The following RSPRY1 variants were observed in gnomAD, a reference collection of about 807,000 sequenced individuals.
RSPRY1 encodes ring finger and SPRY domain containing 1, also known as RING finger and SPRY domain-containing protein 1.
RSPRY1 carries 23 observed loss-of-function variants against 73.1 expected under a neutral mutation model. The ratio of observed to expected loss-of-function variants is 0.31; its 90% confidence interval spans 0.23 to 0.45. The LOEUF (loss-of-function observed/expected upper bound fraction) is 0.45, where lower values mean the gene tolerates loss of function less well. Ranked by LOEUF, RSPRY1 falls within the 20% of genes least tolerant of loss-of-function variation. The pLI is 1.00. For synonymous variants in RSPRY1, 226 were observed against 251.4 expected (o/e 0.90, Z 0.95); for missense variants, 448 against 698.7 (o/e 0.64, Z 4.05).
chr16:57,209,256 A>G (rs1567498009), intron 4 of RSPRY1, 69 bp downstream of exon 4: 2 of 984,970 alleles, frequency 2.0e-6, no homozygotes, highest in South Asian at 2.8e-5. Flanking sequence ...ACCACAAAGA[A>G]CATTTGATGT....
chr16:57,201,902 G>A (rs1183374002), intron 1 of RSPRY1, among the ~76,000 whole-genome samples: 7 of 152,216 alleles, frequency 4.6e-5, no homozygotes, highest in South Asian at 2.1e-4. Context: ...GAGCCGAGAT[G>A]GCAGCAGTAC....
Position 57,201,559 on chromosome 16 carries a change from G to A in RSPRY1, c.-155-2945G>A, listed in dbSNP as rs541807785. Among the ~76,000 whole-genome samples the A allele has an allele frequency of 7.9e-5, 12 of 152,272 alleles. No homozygotes were observed. The South Asian group carries it at 1.5e-3, about 18-fold the overall frequency. ...CTCCTCACTTCCCAGACGGGGTGGC[G>A]GCCGGGCAGAGGCTGCAATCTCGGC... is the stretch of plus-strand genomic sequence containing the variant. On this transcript the variant is annotated intron_variant, in intron 1 of 14. Transcript: ENST00000394420.
intron 1 of RSPRY1, among the ~76,000 whole-genome samples, chr16:57,196,030 A>AT (rs1255465484): frequency 6.9e-4 from 52 of 75,830 alleles, no homozygotes; most frequent in Non-Finnish European, 1.1e-3. Context: ...CAAAAAAAAA[A>AT]AAAAATATAT....
Position 57,203,447 on chromosome 16 carries a change from A to G in RSPRY1, c.-155-1057A>G, listed in dbSNP as rs1332163006. On this transcript the variant is annotated intron_variant, in intron 1 of 14. Coordinates refer to ENST00000394420, the MANE Select transcript of RSPRY1 (RefSeq NM_133368.3). The stretch of plus-strand genomic sequence containing the variant: ...GCCAGATGTTGTGTAGAGACTACAC[A>G]CTAGCATAGTCTATTCCTTATGTGG... Among the ~76,000 whole-genome samples the G allele has an allele frequency of 2.6e-5, 4 of 152,218 alleles. No individual in the cohort carries two copies. The East Asian group carries it at 7.7e-4, about 29-fold the overall frequency.
chr16:57,206,491 C>T (rs1284224056), intron 2 of RSPRY1, among the ~76,000 whole-genome samples: 1 of 152,176 alleles, frequency 6.6e-6, no homozygotes. Flanking sequence ...GGAAGTAAAC[C>T]ACAAACAATG....
intron 1 of RSPRY1, among the ~76,000 whole-genome samples, chr16:57,197,187 C>T (rs950459238): frequency 6.6e-6 from 1 of 152,100 alleles, no homozygotes; most frequent in Non-Finnish European, 1.5e-5. Flanking sequence ...AGCTTTCACC[C>T]AGTCTTTTGC....
intron 11 of RSPRY1, 43 bp downstream of exon 11, chr16:57,227,496 C>A: frequency 7.3e-7 from 1 of 1,376,820 alleles, no homozygotes; most frequent in Non-Finnish European, 1.0e-6. Flanking sequence ...TGGGTTAAGA[C>A]ATCTGGTTAT....
intron 10 of RSPRY1, among the ~76,000 whole-genome samples, chr16:57,225,619 A>G (rs2075109115): frequency 6.6e-6 from 1 of 152,172 alleles, no homozygotes. Context: ...GCCATTTTCA[A>G]TTTCTTTCTC....
chr16:57,194,482 G>A (rs961615873), intron 1 of RSPRY1, among the ~76,000 whole-genome samples: 4 of 152,026 alleles, frequency 2.6e-5, no homozygotes, highest in Non-Finnish European at 5.9e-5. Context: ...GGAAAAATCC[G>A]AAAACATTTT....
In RSPRY1 at chr16:57,239,785, G is replaced by A. The variant is rs2075352440; in HGVS notation, c.*810G>A. 1 of 151,676 alleles carries A rather than the reference G, an allele frequency of 6.6e-6. No homozygotes were observed. The highest frequency in any genetic ancestry group is 1.5e-5 in the Non-Finnish European group (1 of 67,958). 9.4% of individuals were successfully genotyped at this position (151,676 alleles called of 1,614,324 possible). A position where few individuals can be genotyped will look rare whatever the true frequency, so the allele number is the denominator to read the frequency against. ...ATTTGGTATTTAGGGTATTTTCAAGGTACCATCAAATCAGATTTCTGTTTT... is the reference window on the plus strand; with the variant it reads ...ATTTGGTATTTAGGGTATTTTCAAGATACCATCAAATCAGATTTCTGTTTT... On this transcript the variant is annotated 3_prime_UTR_variant, in exon 15 of 15. Coordinates refer to ENST00000394420, the MANE Select transcript of RSPRY1 (RefSeq NM_133368.3).
intron 8 of RSPRY1, among the ~76,000 whole-genome samples, chr16:57,218,731 T>TAGGTTGATTCCAAATC (rs1288947442): frequency 1.1e-4 from 11 of 102,440 alleles, no homozygotes; most frequent in African/African-American, 2.9e-4. Flanking sequence ...TTTTTTTTTT[T>TAGGTTGATTCCAAATC]TTTTTTTTTT....
chr16:57,194,127 T>A (rs1480787470), intron 1 of RSPRY1, among the ~76,000 whole-genome samples: 2 of 152,226 alleles, frequency 1.3e-5, no homozygotes, highest in East Asian at 3.8e-4. Context: ...ACTTGAAGTT[T>A]ATTGAAGTCT....
intron 4 of RSPRY1, among the ~76,000 whole-genome samples, chr16:57,210,079 C>T (rs1428095841): frequency 1.5e-5 from 2 of 135,998 alleles, no homozygotes; most frequent in East Asian, 2.6e-4. Flanking sequence ...TCCTTCTTTC[C>T]TTCCCTTTCC....
chr16:57,221,504 A>G, intron 10 of RSPRY1, 89 bp downstream of exon 10: 1 of 1,357,686 alleles, frequency 7.4e-7, no homozygotes. Context: ...TATTTTTCAA[A>G]TAGATTTGCT....
rs932065005 is a variant in RSPRY1, at chr16:57,214,063, T to G, written c.702+117T>G. On this transcript the variant is annotated intron_variant, in intron 6 of 14. Transcript: ENST00000394420. ...CTGGCACAGAGAATGGAATCAATTGTAAATTTTATTTGCAGGTGTTTCCCG... is the reference window on the plus strand; with the variant it reads ...CTGGCACAGAGAATGGAATCAATTGGAAATTTTATTTGCAGGTGTTTCCCG... The G allele has an allele frequency of 1.8e-5, 13 of 707,312 alleles. No homozygotes were observed. In the African/African-American group the frequency reaches 2.0e-4, roughly 11 times the overall value. The allele number at this position is 707,312 out of a possible 1,614,324, so 43.8% of individuals were successfully genotyped here.
At chr16:57,193,642 G>A (rs1040984464) in intron 1 of RSPRY1, among the ~76,000 whole-genome samples, 2 of 152,086 alleles carry the variant, frequency 1.3e-5, no homozygotes, top group African/African-American at 4.8e-5. Context: ...ACAGGCACAC[G>A]CCACTGTGCC....
rs1043056891 is a variant in RSPRY1 at position 57,204,948 on chromosome 16, A to G, written c.290A>G (p.Lys97Arg). Reference protein sequence around the residue: ...GRGPHEPRRKKQNVDGLVLDT... With the variant: ...GRGPHEPRRKRQNVDGLVLDT... ...GGACCTCATGAGCCAAGGAGAAAGA[A>G]ACAAAATGTGGATGGGCTAGTGTTG... The change falls in exon 2 of 15, where the codon AAA (lysine) becomes AGA (arginine). Residue 97 changes from lysine (K) to arginine (R), a missense_variant. By Grantham distance (26) the Lys-to-Arg change is conservative. Coordinates refer to ENST00000394420, the MANE Select transcript of RSPRY1 (RefSeq NM_133368.3). The G allele has an allele frequency of 9.3e-6, 15 of 1,614,102 alleles. No homozygotes were observed. Among genetic ancestry groups the G allele is most frequent in the Non-Finnish European group, 1.1e-5 (13 of 1,180,048 alleles).
chr16:57,193,786 C>T (rs2074391001), intron 1 of RSPRY1, among the ~76,000 whole-genome samples: 1 of 152,032 alleles, frequency 6.6e-6, no homozygotes, highest in South Asian at 2.1e-4. Flanking sequence ...CACATTTCAG[C>T]CGGGTGCGGT....
intron 14 of RSPRY1, among the ~76,000 whole-genome samples, chr16:57,237,755 A>G (rs561738010): frequency 7.6e-4 from 115 of 152,026 alleles, no homozygotes; most frequent in Non-Finnish European, 1.5e-3. Flanking sequence ...TCTGTCACCC[A>G]GGCTTGAGTG....
Sources: allele counts gnomAD v4.1 joint callset (sites outside exome capture counted in the v4.1 genomes callset), GRCh38; gene constraint gnomAD v4.1.1; transcripts MANE v1.5; gene names NCBI Gene and HGNC (gene_info 2026-07-23, HGNC 2026-07-21).